KCNQ3: variants seen among roughly 807,000 people sequenced by gnomAD.
The protein encoded by KCNQ3 is potassium voltage-gated channel subfamily KQT member 3.
In KCNQ3, 30 loss-of-function variants were observed where a neutral mutation model predicts 92.5. That is an observed-to-expected ratio of 0.32 (90% CI 0.24 to 0.44). The LOEUF (loss-of-function observed/expected upper bound fraction) is 0.44, where lower values mean the gene tolerates loss of function less well. KCNQ3 is among the 20% of genes least tolerant of loss of function. The pLI is 1.00. For missense variants in KCNQ3, 913 were observed against 1,140.3 expected (o/e 0.80, Z 2.87); for synonymous variants, 450 against 468.8 (o/e 0.96, Z 0.52).
chr8:132,226,761 T>C (rs927537973), intron 1 of KCNQ3, among the ~76,000 whole-genome samples: 47 of 152,116 alleles, frequency 3.1e-4, no homozygotes, highest in African/African-American at 1.1e-3. Context: ...TTCTTGTGGA[T>C]CCTGCCAAAA....
At chr8:132,285,708 A>C (rs1212897973) in intron 1 of KCNQ3, among the ~76,000 whole-genome samples, 1 of 152,218 alleles carries the variant, frequency 6.6e-6, no homozygotes, top group Admixed American at 6.5e-5. Flanking sequence ...GAAGGGAGCT[A>C]GGTAATACTC....
intron 1 of KCNQ3, among the ~76,000 whole-genome samples, chr8:132,325,177 A>T (rs1818007490): frequency 6.6e-6 from 1 of 152,038 alleles, no homozygotes; most frequent in Non-Finnish European, 1.5e-5. Context: ...TGGATGGGGA[A>T]AGACAGTTAG....
At chr8:132,153,575 T>C (rs1182788812) in intron 9 of KCNQ3, among the ~76,000 whole-genome samples, 1 of 152,218 alleles carries the variant, frequency 6.6e-6, no homozygotes, top group Non-Finnish European at 1.5e-5. Context: ...GCATGACTGA[T>C]TCCTGCTGAT....
At chr8:132,155,891 AG>A (rs1825785058) in intron 9 of KCNQ3, among the ~76,000 whole-genome samples, 1 of 152,174 alleles carries the variant, frequency 6.6e-6, no homozygotes, top group Non-Finnish European at 1.5e-5. Context: ...CTGGATTGGA[AG>A]GAACAGCATC....
intron 1 of KCNQ3, among the ~76,000 whole-genome samples, chr8:132,414,009 G>A (rs900641352): frequency 6.6e-5 from 10 of 152,180 alleles, no homozygotes; most frequent in South Asian, 2.1e-4. Flanking sequence ...TTTCCAGAGC[G>A]GGTGCAGCCT....
intron 1 of KCNQ3, among the ~76,000 whole-genome samples, chr8:132,299,992 G>C (rs1362006266): frequency 6.6e-6 from 1 of 152,164 alleles, no homozygotes; most frequent in Non-Finnish European, 1.5e-5. Context: ...CCTCTGGTGG[G>C]AGATTGACAG....
chr8:132,275,598 G>A (rs1386053886), intron 1 of KCNQ3, among the ~76,000 whole-genome samples: 1 of 144,126 alleles, frequency 6.9e-6, no homozygotes, highest in Non-Finnish European at 1.5e-5. Flanking sequence ...TTTTTTTTTA[G>A]ACAGAGTCTT....
intron 1 of KCNQ3, among the ~76,000 whole-genome samples, chr8:132,284,779 A>G (rs953013629): frequency 6.6e-6 from 1 of 152,244 alleles, no homozygotes; most frequent in Non-Finnish European, 1.5e-5. Context: ...TGACAATGTT[A>G]GGAGCTGGTG....
chr8:132,372,287 T>A (rs527615542), intron 1 of KCNQ3, among the ~76,000 whole-genome samples: 1 of 152,334 alleles, frequency 6.6e-6, no homozygotes, highest in South Asian at 2.1e-4. Context: ...TGCAGCTTCA[T>A]GGATGGCTCC....
intron 1 of KCNQ3, among the ~76,000 whole-genome samples, chr8:132,417,683 CATT>C (rs1280088689): frequency 4.1e-5 from 4 of 98,162 alleles, no homozygotes; most frequent in Non-Finnish European, 8.4e-5. Flanking sequence ...TCCATCCATT[CATT>C]CATTCATTCA....
chr8:132,147,238 G>A (rs750958531), intron 9 of KCNQ3, among the ~76,000 whole-genome samples: 14 of 152,172 alleles, frequency 9.2e-5, no homozygotes, highest in Non-Finnish European at 1.5e-4. Context: ...ATTCCCTGAC[G>A]GGTTCTAGAT....
chr8:132,162,136 C>G (rs577761663), intron 9 of KCNQ3, among the ~76,000 whole-genome samples: 1 of 152,286 alleles, frequency 6.6e-6, no homozygotes, highest in South Asian at 2.1e-4. Context: ...TCAGAAGCCC[C>G]TTTTCTAGGG....
chr8:132,474,843 G>C (rs1233162785), intron 1 of KCNQ3, among the ~76,000 whole-genome samples: 1 of 152,042 alleles, frequency 6.6e-6, no homozygotes. Flanking sequence ...AGGTGAAGGG[G>C]AGTCACCAAG....
At chr8:132,278,219 A>G (rs764104923) in intron 1 of KCNQ3, 180 of 985,000 alleles carry the variant, frequency 1.8e-4, no homozygotes, top group Middle Eastern at 5.2e-4. Context: ...ACCAAAGACA[A>G]AATTAGCATA....
intron 8 of KCNQ3, among the ~76,000 whole-genome samples, chr8:132,165,209 A>C (rs1167495137): frequency 6.6e-6 from 1 of 152,108 alleles, no homozygotes; most frequent in Non-Finnish European, 1.5e-5. Flanking sequence ...CTCCACTGAG[A>C]TTGCTCTAGC....
chr8:132,262,463 A>C (rs1815819014), intron 1 of KCNQ3, among the ~76,000 whole-genome samples: 1 of 152,180 alleles, frequency 6.6e-6, no homozygotes, highest in African/African-American at 2.4e-5. Context: ...ATGCAATAAC[A>C]TCTCGATGAA....
At chr8:132,318,590 C>T (rs1014225718) in intron 1 of KCNQ3, among the ~76,000 whole-genome samples, 5 of 152,318 alleles carry the variant, frequency 3.3e-5, no homozygotes, top group Admixed American at 1.3e-4. Context: ...GTAGTCCTTG[C>T]TATTTGGTGT....
At chr8:132,353,259 G>A (rs78437116) in intron 1 of KCNQ3, among the ~76,000 whole-genome samples, 2,612 of 151,902 alleles carry the variant, frequency 0.017, 28 homozygotes, top group Non-Finnish European at 0.027. Flanking sequence ...AAAAAAAGTA[G>A]GATTTTAACT....
intron 1 of KCNQ3, among the ~76,000 whole-genome samples, chr8:132,306,367 A>G (rs368863049): frequency 1.3e-5 from 2 of 152,098 alleles, no homozygotes; most frequent in East Asian, 1.9e-4. Flanking sequence ...TCTAAGAAAA[A>G]CTTGGCCAAA....
Sources: gnomAD v4.1 joint callset for allele counts (sites outside exome capture counted in the v4.1 genomes callset) on GRCh38, gnomAD v4.1.1 for gene constraint, MANE v1.5 for transcripts, NCBI Gene and HGNC (gene_info 2026-07-23, HGNC 2026-07-21) for gene names.